The following RBFOX1 variants were observed in gnomAD, a reference collection of about 807,000 sequenced individuals.
The protein encoded by RBFOX1 is RNA binding protein fox-1 homolog 1.
In RBFOX1, 8 loss-of-function variants were observed where a neutral mutation model predicts 57.7. That is an observed-to-expected ratio of 0.14 (90% CI 0.08 to 0.25). The LOEUF is 0.25. RBFOX1 is among the 10% of genes least tolerant of loss of function. The pLI is 1.00. For missense variants in RBFOX1, 611 were observed against 548.5 expected (o/e 1.11, Z -1.14); for synonymous variants, 326 against 222.4 (o/e 1.47, Z -4.15).
chr16:6,935,275 G>A (rs1476761534), intron 3 of RBFOX1, among the ~76,000 whole-genome samples: 2 of 152,142 alleles, frequency 1.3e-5, no homozygotes, highest in African/African-American at 2.4e-5. Context: ...GCATGTAGCA[G>A]ATGTTCAGAG....
chr16:6,872,630 C>G (rs189865979), intron 3 of RBFOX1, among the ~76,000 whole-genome samples: 64 of 152,266 alleles, frequency 4.2e-4, no homozygotes, highest in African/African-American at 1.4e-3. Flanking sequence ...TTGAATATTC[C>G]TGCAGTGGCA....
At chr16:7,060,989 C>T (rs2054070024) in intron 4 of RBFOX1, among the ~76,000 whole-genome samples, 1 of 151,844 alleles carries the variant, frequency 6.6e-6, no homozygotes, top group South Asian at 2.1e-4. Flanking sequence ...GGCCTGAGAT[C>T]TTCATGGTTG....
At chr16:7,239,907 G>A (rs866518547) in intron 4 of RBFOX1, among the ~76,000 whole-genome samples, 4 of 152,268 alleles carry the variant, frequency 2.6e-5, no homozygotes, top group Middle Eastern at 3.4e-3. Context: ...TTTCTCATTG[G>A]TAGTTAGTAT....
At chr16:6,629,973 T>TAAAA (rs146210467) in intron 2 of RBFOX1, among the ~76,000 whole-genome samples, 43 of 129,968 alleles carry the variant, frequency 3.3e-4, no homozygotes, top group East Asian at 1.1e-3. Flanking sequence ...TTTTTTTTTT[T>TAAAA]AAAAAAAAAA....
intron 3 of RBFOX1, among the ~76,000 whole-genome samples, chr16:6,947,280 T>C (rs1270247396): frequency 6.6e-6 from 1 of 152,134 alleles, no homozygotes; most frequent in African/African-American, 2.4e-5. Context: ...CACCTTGATT[T>C]TGGAGTAAGG....
chr16:6,110,195 C>CT (rs3049169), intron 1 of RBFOX1, among the ~76,000 whole-genome samples: 14,717 of 128,244 alleles, frequency 0.11, 970 homozygotes, highest in African/African-American at 0.13. Flanking sequence ...TTTTCTTCTT[C>CT]TTTTTTTTTT....
At chr16:7,467,940 G>A (rs1370659337) in intron 4 of RBFOX1, among the ~76,000 whole-genome samples, 1 of 152,184 alleles carries the variant, frequency 6.6e-6, no homozygotes, top group Non-Finnish European at 1.5e-5. Flanking sequence ...TGTACATTTT[G>A]GATAACAGGT....
At chr16:7,009,756 C>T (rs772187774) in intron 3 of RBFOX1, among the ~76,000 whole-genome samples, 1 of 152,176 alleles carries the variant, frequency 6.6e-6, no homozygotes, top group African/African-American at 2.4e-5. Flanking sequence ...TGATTAAACA[C>T]TAAATTAAGT....
At chr16:6,939,502 CTTTCTTTTTTTTTT>C (rs1567980463) in intron 3 of RBFOX1, among the ~76,000 whole-genome samples, 1 of 112,768 alleles carries the variant, frequency 8.9e-6, no homozygotes, top group Admixed American at 8.0e-5. Context: ...CAGAATTTTT[CTTTCTTTTTTTTTT>C]TTTCTTTTTT....
At chr16:7,597,844 T>C (rs1408629058) in intron 9 of RBFOX1, among the ~76,000 whole-genome samples, 1 of 152,212 alleles carries the variant, frequency 6.6e-6, no homozygotes, top group Non-Finnish European at 1.5e-5. Flanking sequence ...CTTTGAGTCT[T>C]CTCCAGAGAG....
chr16:6,043,072 C>G (rs536975274), intron 1 of RBFOX1, among the ~76,000 whole-genome samples: 14 of 122,858 alleles, frequency 1.1e-4, no homozygotes, highest in African/African-American at 4.0e-4. Flanking sequence ...GAGCCGAGAT[C>G]ACATCATTAT....
chr16:5,480,247 G>C (rs966547994), intron 2 of RBFOX1, among the ~76,000 whole-genome samples: 2 of 152,092 alleles, frequency 1.3e-5, no homozygotes, highest in Non-Finnish European at 2.9e-5. Context: ...CTTTTGACCA[G>C]GGGTCAAAGC....
At chr16:6,947,551 T>C (rs570409069) in intron 3 of RBFOX1, among the ~76,000 whole-genome samples, 13 of 152,308 alleles carry the variant, frequency 8.5e-5, no homozygotes, top group African/African-American at 3.1e-4. Context: ...GAAACATGAA[T>C]GGACTTGAGT....
At chr16:6,694,460 G>C (rs1348594567) in intron 3 of RBFOX1, among the ~76,000 whole-genome samples, 1 of 152,172 alleles carries the variant, frequency 6.6e-6, no homozygotes, top group Non-Finnish European at 1.5e-5. Context: ...TATAAAGAGG[G>C]AAATGAAAAT....
chr16:5,496,496 T>A (rs9936681), intron 2 of RBFOX1, among the ~76,000 whole-genome samples: 5,069 of 152,238 alleles, frequency 0.033, 303 homozygotes, highest in African/African-American at 0.12. Context: ...TAGTCACATC[T>A]TCTTTCCTCA....
intron 4 of RBFOX1, among the ~76,000 whole-genome samples, chr16:6,003,955 G>C (rs2152331878): frequency 6.6e-6 from 1 of 152,310 alleles, no homozygotes; most frequent in African/African-American, 2.4e-5. Context: ...GCTAATTTTA[G>C]AAATATTCAG....
chr16:6,802,619 G>A (rs950916668), intron 3 of RBFOX1, among the ~76,000 whole-genome samples: 3 of 152,214 alleles, frequency 2.0e-5, no homozygotes, highest in African/African-American at 7.2e-5. Flanking sequence ...CGAGATTGCA[G>A]TGAGTTGAGA....
intron 1 of RBFOX1, among the ~76,000 whole-genome samples, chr16:5,290,001 G>A (rs368647636): frequency 6.6e-6 from 1 of 152,174 alleles, no homozygotes; most frequent in African/African-American, 2.4e-5. Flanking sequence ...GTGGAGAGAT[G>A]GAACATGGTT....
intron 1 of RBFOX1, among the ~76,000 whole-genome samples, chr16:6,142,732 C>G (rs111769945): frequency 7.2e-5 from 11 of 152,144 alleles, no homozygotes; most frequent in Admixed American, 6.5e-5. Flanking sequence ...TCATCTAGAC[C>G]AAATTACTGC....
Sources: allele counts gnomAD v4.1 joint callset (sites outside exome capture counted in the v4.1 genomes callset), GRCh38; gene constraint gnomAD v4.1.1; transcripts MANE v1.5; gene names NCBI Gene and HGNC (gene_info 2026-07-23, HGNC 2026-07-21).